The following USP32 variants were observed in gnomAD, a reference collection of about 807,000 sequenced individuals.
USP32 encodes ubiquitin specific peptidase 32.
A neutral mutation model predicts 204.8 loss-of-function variants in USP32; 59 were observed. That is an observed-to-expected ratio of 0.29 (90% CI 0.23 to 0.36). The LOEUF (loss-of-function observed/expected upper bound fraction) is 0.36. Among genes scored for constraint, USP32 ranks in the 10% least tolerant of loss-of-function variants. USP32 has a pLI of 1.00. For missense variants in USP32, 1,160 were observed against 1,946.4 expected (o/e 0.60, Z 7.60); for synonymous variants, 517 against 678.4 (o/e 0.76, Z 3.70).
intron 9 of USP32, among the ~76,000 whole-genome samples, chr17:60,258,712 G>C (rs2086379076): frequency 1.3e-5 from 2 of 152,096 alleles, no homozygotes; most frequent in East Asian, 3.8e-4. Flanking sequence ...TCATATTCTG[G>C]CAGTTTGAAT....
Position 60,203,679 on chromosome 17 carries a change from C to T in USP32, c.3249+1768G>A, listed in dbSNP as rs1467621145. Reference sequence around the variant, plus strand: ...GCAACCTCCGCCTCCCAGGTTCAAGCGATTCTCCTGCCTCAGCCTCCTGAG... The same window carrying T: ...GCAACCTCCGCCTCCCAGGTTCAAGTGATTCTCCTGCCTCAGCCTCCTGAG... On this transcript the variant is annotated intron_variant, in intron 26 of 33. Transcript: ENST00000300896. Among the ~76,000 whole-genome samples the T allele has an allele frequency of 6.6e-5, 10 of 152,122 alleles. No homozygotes were observed. In the South Asian group the frequency reaches 1.2e-3, roughly 19 times the overall value.
chr17:60,227,469 C>T (rs2085426331), intron 12 of USP32, among the ~76,000 whole-genome samples: 1 of 151,982 alleles, frequency 6.6e-6, no homozygotes, highest in African/African-American at 2.4e-5. Context: ...AGGGTTTCAC[C>T]ATACTGGCCA....
chr17:60,201,696 T>A (rs1438983810), intron 26 of USP32, among the ~76,000 whole-genome samples: 1 of 151,892 alleles, frequency 6.6e-6, no homozygotes, highest in Non-Finnish European at 1.5e-5. Flanking sequence ...TCTCGCTCTG[T>A]TGCCCAGGCT....
At chr17:60,206,907 T>A in intron 25 of USP32, 114 bp downstream of exon 25, 1 of 1,477,992 alleles carries the variant, frequency 6.8e-7, no homozygotes, top group Non-Finnish European at 9.0e-7. Context: ...TCCCTTGGGT[T>A]CCAAAATTCT....
intron 26 of USP32, among the ~76,000 whole-genome samples, chr17:60,200,524 C>T (rs2084651284): frequency 6.6e-6 from 1 of 151,410 alleles, no homozygotes; most frequent in Non-Finnish European, 1.5e-5. Flanking sequence ...CCTGCCACTG[C>T]ACTCCAGCCT....
chr17:60,419,279 C>G (rs142567502), intron 1 of USP32, among the ~76,000 whole-genome samples: 6,999 of 152,128 alleles, frequency 0.046, 231 homozygotes, highest in Non-Finnish European at 0.074. Context: ...AACCAAATAC[C>G]GCATGTTCTC....
intron 2 of USP32, among the ~76,000 whole-genome samples, chr17:60,312,562 TC>T: frequency 6.6e-6 from 1 of 152,084 alleles, no homozygotes; most frequent in South Asian, 2.1e-4. Flanking sequence ...GTCTGAGGAC[TC>T]CCAAGTAGCT....
At chr17:60,193,439 T>C (rs1162662372) in intron 27 of USP32, among the ~76,000 whole-genome samples, 1 of 152,236 alleles carries the variant, frequency 6.6e-6, no homozygotes, top group Non-Finnish European at 1.5e-5. Context: ...GAGTAACTGC[T>C]TTTAACTGCC....
chr17:60,264,501 C>A (rs1269182867), intron 9 of USP32, among the ~76,000 whole-genome samples: 1 of 149,780 alleles, frequency 6.7e-6, no homozygotes, highest in Non-Finnish European at 1.5e-5. Flanking sequence ...GGCAACAGAG[C>A]AAGATCCTGT....
At chr17:60,355,629 T>C (rs1446091376) in intron 1 of USP32, among the ~76,000 whole-genome samples, 1 of 151,950 alleles carries the variant, frequency 6.6e-6, no homozygotes, top group East Asian at 1.9e-4. Flanking sequence ...GATGAATTGT[T>C]TGAGCCTAAG....
intron 1 of USP32, chr17:60,421,206 T>A (rs375720254): frequency 1.9e-4 from 50 of 256,462 alleles, no homozygotes; most frequent in African/African-American, 9.9e-4. Flanking sequence ...AGACCTTCCA[T>A]CTTGGAGGCG....
intron 12 of USP32, among the ~76,000 whole-genome samples, chr17:60,228,837 T>G (rs960110749): frequency 2.4e-5 from 3 of 123,890 alleles, no homozygotes; most frequent in Non-Finnish European, 5.0e-5. Flanking sequence ...TTTGTTTTTG[T>G]TTTTTTTTTT....
chr17:60,245,239 TGG>T, intron 11 of USP32: 1 of 202,796 alleles, frequency 4.9e-6, no homozygotes, highest in Non-Finnish European at 9.8e-6. Context: ...TTTTTTTTTT[TGG>T]CAGTTTTTAT....
At chr17:60,263,796 C>A (rs941311271) in intron 9 of USP32, among the ~76,000 whole-genome samples, 1 of 152,106 alleles carries the variant, frequency 6.6e-6, no homozygotes, top group Non-Finnish European at 1.5e-5. Flanking sequence ...AAACTCATTT[C>A]TATTATTTGT....
chr17:60,265,452 T>C lies in USP32; in HGVS notation c.950A>G (p.Asp317Gly). 1 of 1,604,864 alleles carries C rather than the reference T, an allele frequency of 6.2e-7. No individual in the cohort carries two copies. The highest frequency in any genetic ancestry group is 1.7e-4 in the Middle Eastern group (1 of 5,926). The change falls in exon 9 of 34, where the codon GAT becomes GGT. Residue 317 changes from aspartate (D) to glycine (G), a missense_variant. Asp to Gly is a moderately conservative substitution (Grantham distance 94). Coordinates refer to ENST00000300896, the MANE Select transcript of USP32 (RefSeq NM_032582.4). ...TGCATTCAGTATGCCTTCTACAATATCAGAGAGATCCATATGTAATTCCTT... is the reference window on the plus strand; with the variant it reads ...TGCATTCAGTATGCCTTCTACAATACCAGAGAGATCCATATGTAATTCCTT... ...DIPELHMDLSDIVEGILNAHD... is the reference protein window; with the variant it reads ...DIPELHMDLSGIVEGILNAHD...
At chr17:60,254,301 T>C (rs2086240071) in intron 10 of USP32, among the ~76,000 whole-genome samples, 2 of 152,204 alleles carry the variant, frequency 1.3e-5, no homozygotes, top group Admixed American at 6.5e-5. Context: ...TCTGGTAGCT[T>C]TCCTTCTTTC....
At chr17:60,180,423 A>T (rs938604400) in intron 33 of USP32, 122 bp downstream of exon 33, 1 of 1,091,994 alleles carries the variant, frequency 9.2e-7, no homozygotes, top group African/African-American at 1.6e-5. Flanking sequence ...CAGCATCTAT[A>T]TATTGATTCT....
rs186898243 is a variant in USP32, at chr17:60,411,406, G to A, written c.106+10840C>T. 3.8e-4 allele frequency among the ~76,000 whole-genome samples: 58 copies of A among 150,896 alleles called. 2 individuals are homozygous for A. In the East Asian group the frequency reaches 8.8e-3, roughly 23 times the overall value. On this transcript the variant is annotated intron_variant, in intron 1 of 3. Coordinates refer to the USP32 transcript ENST00000588898. The stretch of plus-strand genomic sequence containing the variant: ...GCATGCCTGCAGTCCCAGCTACTCA[G>A]GAGGCTGAGGTGGGAGGATCACTTG...
At chr17:60,307,452 G>T (rs944645158) in intron 2 of USP32, among the ~76,000 whole-genome samples, 1 of 152,028 alleles carries the variant, frequency 6.6e-6, no homozygotes, top group African/African-American at 2.4e-5. Context: ...TTACAAATTC[G>T]ATGCAATCCC....
Sources: gnomAD v4.1 joint callset for allele counts (sites outside exome capture counted in the v4.1 genomes callset) on GRCh38, gnomAD v4.1.1 for gene constraint, MANE v1.5 for transcripts, NCBI Gene and HGNC (gene_info 2026-07-23, HGNC 2026-07-21) for gene names.